The following TMEM259 variants were observed in gnomAD, a reference collection of about 807,000 sequenced individuals.
TMEM259 encodes the protein membralin.
Under a neutral mutation model 46.7 loss-of-function variants are expected in TMEM259, and 26 were observed. The observed-to-expected ratio is 0.56, with a 90% CI of 0.41 to 0.77. TMEM259 has a LOEUF of 0.77. TMEM259 is among the 30% of genes least tolerant of loss of function. The pLI, the probability that TMEM259 is intolerant of heterozygous loss-of-function variation, is 0.00. For synonymous variants in TMEM259, 494 were observed against 395.1 expected (o/e 1.25, Z -2.97); for missense variants, 930 against 900.5 (o/e 1.03, Z -0.42).
rs750423204 is a variant in TMEM259, at chr19:1,010,505, G to C, written c.1708C>G (p.Leu570Val). The change falls in exon 11 of 11, where the codon CTG becomes GTG. Residue 570 changes from leucine to valine, a missense_variant. Leu to Val is a conservative substitution (Grantham distance 32). Coordinates refer to ENST00000356663, the MANE Select transcript of TMEM259 (RefSeq NM_001033026.2). ...TGGGGGAGGCCCCCAGCAGGGCCCA[G>C]CGGGCTGGCTGGACGCCGCTCCAGG... is the stretch of plus-strand genomic sequence containing the variant. ...SLLERRPASP[L>V]GPAGGLPHAP... 1.4e-5 allele frequency: 22 copies of C among 1,547,442 alleles called. No homozygotes were observed. The highest frequency in any genetic ancestry group is 3.6e-5 in the South Asian group (3 of 84,020).
intron 1 of TMEM259, among the ~76,000 whole-genome samples, chr19:1,018,832 A>G (rs1328875449): frequency 6.6e-6 from 1 of 152,014 alleles, no homozygotes; most frequent in African/African-American, 2.4e-5. Flanking sequence ...CTAAAAAGAC[A>G]AAAAAATTAG....
rs561567447 is a variant in TMEM259 at position 1,010,908 on chromosome 19, G to C, written c.1318-13C>G. On this transcript the variant is annotated splice_polypyrimidine_tract_variant and intron_variant, in intron 10 of 10. Transcript: ENST00000356663. ...AGATCATGGAATGCTGCGGGAGGGA[G>C]AGTGGGAGTCAGGACGGGCCCGCCC... 2.6e-5 allele frequency: 42 copies of C among 1,587,548 alleles called. No individual in the cohort carries two copies. The South Asian group carries it at 4.1e-4, about 16-fold the overall frequency.
rs776652741 is a variant in TMEM259 at position 1,011,730 on chromosome 19, G to A, written c.1000+11C>T. On this transcript the variant is annotated intron_variant, in intron 7 of 10. Transcript: ENST00000356663. ...GACGCCCGCCCCGCCCTGCGCCGGC[G>A]GGACACTCACCGATGAAGACGAAGA... 2.3e-5 allele frequency: 36 copies of A among 1,541,584 alleles called. No homozygotes were observed. The highest frequency in any genetic ancestry group is 1.8e-4 in the African/African-American group (13 of 72,776).
At position 1,010,188 on chromosome 19, in the gene TMEM259, G is replaced by C; in HGVS notation, c.*162C>G. The stretch of plus-strand genomic sequence containing the variant: ...GCCTCGGGCGCGACCTCACACCAGG[G>C]GGAGGAAAGCCGCCTTCCGGGCAAA... On this transcript the variant is annotated 3_prime_UTR_variant, in exon 11 of 11. Transcript: ENST00000356663. 1 of 647,188 alleles carries C rather than the reference G, an allele frequency of 1.5e-6. No individual in the cohort carries two copies. The highest frequency in any genetic ancestry group is 2.4e-6 in the Non-Finnish European group (1 of 408,376). The allele number at this position is 647,188 out of a possible 1,614,324, so 40.1% of individuals were successfully genotyped here.
In TMEM259 at chr19:1,010,520, G is replaced by A. The variant is rs1341750145; in HGVS notation, c.1693C>T (p.Arg565Cys). The A allele has an allele frequency of 3.9e-6, 6 of 1,547,466 alleles. No homozygotes were observed. The highest frequency in any genetic ancestry group is 1.2e-5 in the South Asian group (1 of 84,028). ...GCAGGGCCCAGCGGGCTGGCTGGACGCCGCTCCAGGAGGGAGGCGCTCAGG... is the reference window on the plus strand; with the variant it reads ...GCAGGGCCCAGCGGGCTGGCTGGACACCGCTCCAGGAGGGAGGCGCTCAGG... ...SGLSASLLER[R>C]PASPLGPAGG... is the part of the protein sequence containing the mutation. The change falls in exon 11 of 11, where the codon CGT (arginine) becomes TGT (cysteine). Residue 565 changes from arginine (R) to cysteine (C), a missense_variant. Coordinates refer to ENST00000356663, the MANE Select transcript of TMEM259 (RefSeq NM_001033026.2).
In TMEM259 at chr19:1,020,586, C is replaced by T. The variant is rs1389596147; in HGVS notation, c.225+186G>A. Among the ~76,000 whole-genome samples, 5 of 152,060 alleles carry T rather than the reference C, an allele frequency of 3.3e-5. No individual in the cohort carries two copies. The highest frequency in any genetic ancestry group is 7.4e-5 in the Non-Finnish European group (5 of 68,004). ...GCGGGATGGGGTCACGAGACGGTGT[C>T]CCTGGCCAATCCCAGGGTCAGAGGT... On this transcript the variant is annotated intron_variant, in intron 1 of 10. Transcript: ENST00000356663. The surrounding 1 kb of genome is among the most constrained non-coding windows in gnomAD (Gnocchi z 4.0).
chr19:1,009,726 G>A lies in TMEM259; in HGVS notation c.*624C>T, dbSNP rs1274232505. 9.3e-6 allele frequency: 8 copies of A among 861,780 alleles called. No homozygotes were observed. Among genetic ancestry groups the A allele is most frequent in the East Asian group, 3.4e-5 (1 of 29,660 alleles). 53.4% of individuals were successfully genotyped at this position (861,780 alleles called of 1,614,324 possible). A position where few individuals can be genotyped will look rare whatever the true frequency, so the allele number is the denominator to read the frequency against. Reference sequence around the variant, plus strand: ...TGCAATTAAATAGAATGGAATGAGCGCTCCTCCGCATTCCTCCCCGAGTGA... The same window carrying A: ...TGCAATTAAATAGAATGGAATGAGCACTCCTCCGCATTCCTCCCCGAGTGA... On this transcript the variant is annotated 3_prime_UTR_variant, in exon 11 of 11. Coordinates refer to ENST00000356663, the MANE Select transcript of TMEM259 (RefSeq NM_001033026.2).
At chr19:1,011,858 C>CG in intron 6 of TMEM259, 34 bp downstream of exon 6, 1 of 1,593,892 alleles carries the variant, frequency 6.3e-7, no homozygotes, top group Non-Finnish European at 8.6e-7. Flanking sequence ...GGCTCCCGCC[C>CG]GGCCAGCCCC....
intron 2 of TMEM259, chr19:1,013,601 C>G: frequency 2.2e-6 from 1 of 455,554 alleles, no homozygotes; most frequent in African/African-American, 2.0e-5. Flanking sequence ...GGCAGTAGAC[C>G]CCATGGAAGG....
rs969432430 is a variant in TMEM259, at chr19:1,011,780, G to A, written c.961C>T (p.Leu321=). The A allele has an allele frequency of 1.3e-6, 2 of 1,569,738 alleles. No individual in the cohort carries two copies. The highest frequency in any genetic ancestry group is 1.7e-6 in the Non-Finnish European group (2 of 1,157,052). Residue 321 remains leucine, a synonymous_variant, in exon 7 of 11, where the codon CTG becomes TTG. Transcript: ENST00000356663. The part of the protein sequence containing the change: ...MVIFTLSVSM[L]LRYSHHQIFV... Reference sequence around the variant, plus strand: ...ATCTGGTGGTGTGAGTACCGCAGCAGCATGGACACGCTCAGCGTCTGCAAG... The same window carrying A: ...ATCTGGTGGTGTGAGTACCGCAGCAACATGGACACGCTCAGCGTCTGCAAG...
At position 1,014,384 on chromosome 19, in the gene TMEM259, C is replaced by T; in HGVS notation, c.315G>A (p.Trp105Ter). Reference protein sequence around the residue: ...INCLEHVRDKWPREGILRVEV... With the variant: ...INCLEHVRDK ...CCACACGCAGGATGCCCTCACGCGG[C>T]CACTTGTCACGCACATGCTCCAGGC... Residue 105 changes from tryptophan (W) to a stop codon, truncating the protein, a stop_gained, in exon 2 of 11, where the codon TGG (tryptophan) becomes TGA (stop). Coordinates refer to ENST00000356663, the MANE Select transcript of TMEM259 (RefSeq NM_001033026.2). LOFTEE classifies it high-confidence loss of function. 1 of 1,612,920 alleles carries T rather than the reference C, an allele frequency of 6.2e-7. No homozygotes were observed. Among genetic ancestry groups the T allele is most frequent in the Non-Finnish European group, 8.5e-7 (1 of 1,179,894 alleles).
At chr19:1,017,144 G>A (rs534771270) in intron 1 of TMEM259, 24 of 397,694 alleles carry the variant, frequency 6.0e-5, no homozygotes, top group Non-Finnish European at 1.0e-4. Flanking sequence ...GGCTCATCCC[G>A]AGTCCCGGGT....
chr19:1,012,292 G>T (rs1330575005), intron 4 of TMEM259, 104 bp from the exon 5 acceptor site: 1 of 1,510,412 alleles, frequency 6.6e-7, no homozygotes, highest in Non-Finnish European at 8.9e-7. Flanking sequence ...TCCTGGCCCT[G>T]CCCATTCTTA....
intron 3 of TMEM259, 75 bp downstream of exon 3, chr19:1,013,166 G>A: frequency 7.5e-7 from 1 of 1,328,932 alleles, no homozygotes; most frequent in South Asian, 1.2e-5. Context: ...ATGTTCGGAG[G>A]GACCCCGCCT....
In TMEM259 at chr19:1,009,757, T is replaced by C; in HGVS notation, c.*593A>G. 1.4e-6 allele frequency: 1 copy of C among 712,482 alleles called. No homozygotes were observed. The highest frequency in any genetic ancestry group is 2.0e-6 in the Non-Finnish European group (1 of 489,092). The allele number at this position is 712,482 out of a possible 1,614,324, so 44.1% of individuals were successfully genotyped here. Reference sequence around the variant, plus strand: ...CCGCATTCCTCCCCGAGTGACTGGTTTGGCCGCCGGCCCACTCCATCCCCG... The same window carrying C: ...CCGCATTCCTCCCCGAGTGACTGGTCTGGCCGCCGGCCCACTCCATCCCCG... On this transcript the variant is annotated 3_prime_UTR_variant, in exon 11 of 11. Coordinates refer to ENST00000356663, the MANE Select transcript of TMEM259 (RefSeq NM_001033026.2).
intron 3 of TMEM259, 32 bp downstream of exon 3, chr19:1,013,209 G>A (rs777272980): frequency 1.4e-5 from 22 of 1,592,012 alleles, no homozygotes; most frequent in Admixed American, 5.0e-5. Flanking sequence ...AGGCAACCCC[G>A]TGAGGCAGTA....
At position 1,014,266 on chromosome 19, in the gene TMEM259, C is replaced by A; in HGVS notation, c.433G>T (p.Gly145Cys). The change falls in exon 2 of 11, where the codon GGC becomes TGC. Residue 145 changes from glycine to cysteine, a missense_variant. Gly to Cys is a radical substitution (Grantham distance 159). Coordinates refer to ENST00000356663, the MANE Select transcript of TMEM259 (RefSeq NM_001033026.2). ...GSFPGLAVEP[G>C]SNLDMEDEEE... is the part of the protein sequence containing the mutation. ...TCATCTTCCATGTCCAGGTTGCTGC[C>A]TGGTTCCACGGCCAGGCCCGGGAAG... 1 of 1,613,206 alleles carries A rather than the reference C, an allele frequency of 6.2e-7. No individual in the cohort carries two copies. Among genetic ancestry groups the A allele is most frequent in the Non-Finnish European group, 8.5e-7 (1 of 1,179,846 alleles).
intron 5 of TMEM259, 27 bp from the exon 6 acceptor site, chr19:1,012,019 C>T (rs1156557745): frequency 2.8e-5 from 45 of 1,611,602 alleles, no homozygotes; most frequent in Non-Finnish European, 3.8e-5. Context: ...CGTGAGCGCC[C>T]GCCCCCACCC....
At chr19:1,014,955 T>A (rs1222627557) in intron 1 of TMEM259, among the ~76,000 whole-genome samples, 1 of 152,024 alleles carries the variant, frequency 6.6e-6, no homozygotes, top group Non-Finnish European at 1.5e-5. Flanking sequence ...AGCATGGGTG[T>A]TGCCGCCACC....
Sources: gnomAD v4.1 joint callset for allele counts (sites outside exome capture counted in the v4.1 genomes callset) on GRCh38, gnomAD v4.1.1 for gene constraint, Gnocchi (gnomAD v3.1) non-coding constraint, MANE v1.5 for transcripts, NCBI Gene and HGNC (gene_info 2026-07-23, HGNC 2026-07-21) for gene names.